The following DIO1 variants were observed in gnomAD, a reference collection of about 807,000 sequenced individuals.
DIO1 encodes the protein type I iodothyronine deiodinase.
In DIO1, 17 loss-of-function variants were observed where a neutral mutation model predicts 25.9. The ratio of observed to expected loss-of-function variants is 0.66; its 90% CI spans 0.45 to 0.98. DIO1 has a LOEUF of 0.98. Ranked by LOEUF, DIO1 falls within the 50% of genes least tolerant of loss-of-function variation. The probability of loss-of-function intolerance (pLI) is 0.00; values close to 1 mark genes in which losing one functional copy is unlikely to be tolerated. For synonymous variants in DIO1, 115 were observed against 114.0 expected (o/e 1.01, Z -0.05); for missense variants, 270 against 310.4 (o/e 0.87, Z 0.98).
rs537812506 is a variant in DIO1, at chr1:53,894,977, C to G, written c.337+430C>G. Among the ~76,000 whole-genome samples the G allele has an allele frequency of 6.6e-6, 1 of 152,264 alleles. No individual in the cohort carries two copies. The highest frequency in any genetic ancestry group is 2.1e-4 in the South Asian group (1 of 4,828). On this transcript the variant is annotated intron_variant, in intron 1 of 3. Coordinates refer to ENST00000361921, the MANE Select transcript of DIO1 (RefSeq NM_000792.7). The surrounding 1 kb of genome is among the most constrained non-coding windows in gnomAD (Gnocchi z 4.9). ...CATCCTAAACTTTTCTTTATTACACCTGTCGCGGTTTGTAATTATGTACGG... is the reference window on the plus strand; with the variant it reads ...CATCCTAAACTTTTCTTTATTACACGTGTCGCGGTTTGTAATTATGTACGG...
At chr1:53,909,823 A>T in intron 3 of DIO1, 108 bp from the exon 4 acceptor site, 2 of 1,045,046 alleles carry the variant, frequency 1.9e-6, no homozygotes, top group Non-Finnish European at 3.0e-6. Context: ...GATGGCTCCT[A>T]CACAGACATC....
rs1306099103 is a variant in DIO1 at position 53,909,934 on chromosome 1, A to G, written c.685A>G (p.Lys229Glu). The part of the protein sequence containing the change: ...IQEGRILYKG[K>E]SGPWNYNPEE... ...GCCTGATTCGTTTCTCTTGCAGGGT[A>G]AATCTGGCCCTTGGAACTACAACCC... The change falls in exon 4 of 4, where the codon AAA (lysine) becomes GAA (glutamate). Residue 229 changes from lysine (K) to glutamate (E), a missense_variant. Physicochemically the swap from Lys to Glu is moderately conservative, Grantham distance 56. Transcript: ENST00000361921. The G allele has an allele frequency of 5.0e-6, 8 of 1,614,180 alleles. No homozygotes were observed. The East Asian group carries it at 1.8e-4, about 36-fold the overall frequency.
rs1489032485 is a variant in DIO1 at position 53,906,154 on chromosome 1, C to T, written c.541C>T (p.Leu181=). The change falls in exon 3 of 4, where the codon CTG becomes TTG. Residue 181 remains leucine, a synonymous_variant. Coordinates refer to ENST00000361921, the MANE Select transcript of DIO1 (RefSeq NM_000792.7). ...AAATCACCAGAACCTTCAGGATCGCCTGCAGGCAGCCCATCTACTGCTGGC... is the reference window on the plus strand; with the variant it reads ...AAATCACCAGAACCTTCAGGATCGCTTGCAGGCAGCCCATCTACTGCTGGC... ...IRNHQNLQDR[L]QAAHLLLARS... 1 of 1,614,128 alleles carries T rather than the reference C, an allele frequency of 6.2e-7. No individual in the cohort carries two copies. The highest frequency in any genetic ancestry group is 8.5e-7 in the Non-Finnish European group (1 of 1,180,052).
At position 53,906,149 on chromosome 1, in the gene DIO1, A is replaced by G; in HGVS notation, c.536A>G (p.Asp179Gly). 1 of 1,614,220 alleles carries G rather than the reference A, an allele frequency of 6.2e-7. No homozygotes were observed. Among genetic ancestry groups the G allele is most frequent in the Non-Finnish European group, 8.5e-7 (1 of 1,180,026 alleles). Residue 179 changes from aspartate to glycine, a missense_variant, in exon 3 of 4, where the codon GAT (aspartate) becomes GGT (glycine). Coordinates refer to ENST00000361921, the MANE Select transcript of DIO1 (RefSeq NM_000792.7). ...MDIRNHQNLQ[D>G]RLQAAHLLLA... ...ATCAGAAATCACCAGAACCTTCAGG[A>G]TCGCCTGCAGGCAGCCCATCTACTG...
At chr1:53,906,696 GCC>G (rs1651674758) in intron 3 of DIO1, among the ~76,000 whole-genome samples, 1 of 150,306 alleles carries the variant, frequency 6.7e-6, no homozygotes, top group South Asian at 2.1e-4. Flanking sequence ...TCACTCTGTT[GCC>G]CAGGCTGGAG....
At position 53,904,659 on chromosome 1, in the gene DIO1, G is replaced by C; in HGVS notation, c.338-7G>C. ...GTCTCAGTTTGTGATGGTTGTTGCT[G>C]TTTCAGGTAATAGGCCACTGGTGCT... is the stretch of plus-strand genomic sequence containing the variant. On this transcript the variant is annotated splice_region_variant and splice_polypyrimidine_tract_variant and intron_variant, in intron 1 of 3. Transcript: ENST00000361921. 1 of 1,611,718 alleles carries C rather than the reference G, an allele frequency of 6.2e-7. No homozygotes were observed.
chr1:53,904,533 T>G (rs1277768106), intron 1 of DIO1, 133 bp from the exon 2 acceptor site: 1 of 1,045,588 alleles, frequency 9.6e-7, no homozygotes. Context: ...CGGACCCCAG[T>G]GCCTAGGACC....
rs762642402 is a variant in DIO1, at chr1:53,911,010, G to A, written c.*1011G>A. The A allele has an allele frequency of 2.0e-5, 3 of 152,628 alleles. No homozygotes were observed. The highest frequency in any genetic ancestry group is 1.9e-4 in the East Asian group (1 of 5,202). The allele number at this position is 152,628 out of a possible 1,614,324, so 9.5% of individuals were successfully genotyped here. On this transcript the variant is annotated 3_prime_UTR_variant, in exon 4 of 4. Coordinates refer to ENST00000361921, the MANE Select transcript of DIO1 (RefSeq NM_000792.7). ...GATGGCCACAGCCTAAAGTACACAC[G>A]GCTGTGACTTGATTCAAAAGAAAAT...
At chr1:53,907,182 C>A (rs540871421) in intron 3 of DIO1, among the ~76,000 whole-genome samples, 1 of 152,132 alleles carries the variant, frequency 6.6e-6, no homozygotes, top group East Asian at 1.9e-4. Context: ...CAGGGATGTG[C>A]GGCAGAAATG....
At chr1:53,909,579 G>A (rs1651845920) in intron 3 of DIO1, among the ~76,000 whole-genome samples, 2 of 152,192 alleles carry the variant, frequency 1.3e-5, no homozygotes, top group African/African-American at 4.8e-5. Flanking sequence ...ATGGTTCTGA[G>A]GTAGGATGGG....
intron 1 of DIO1, among the ~76,000 whole-genome samples, chr1:53,902,485 G>A (rs1325900323): frequency 6.6e-6 from 1 of 151,802 alleles, no homozygotes; most frequent in Non-Finnish European, 1.5e-5. Flanking sequence ...TAGGATGAGA[G>A]TATACTACAT....
Position 53,894,293 on chromosome 1 carries a change from T to A in DIO1, c.83T>A (p.Val28Glu). The A allele has an allele frequency of 6.2e-7, 1 of 1,614,218 alleles. No homozygotes were observed. Among genetic ancestry groups the A allele is most frequent in the Non-Finnish European group, 8.5e-7 (1 of 1,180,040 alleles). ...GCTGTGCATGTGGTCGTGGGTAAAG[T>A]GCTTCTGATATTGTTTCCAGACAGA... ...EVAVHVVVGK[V>E]LLILFPDRVK... The change falls in exon 1 of 4, where the codon GTG becomes GAG. Residue 28 changes from valine to glutamate, a missense_variant. Physicochemically the swap from Val to Glu is moderately radical, Grantham distance 121. Transcript: ENST00000361921. This position sits in a 1 kb window ranked among gnomAD's most constrained non-coding sequence, Gnocchi z 4.9.
chr1:53,903,754 C>A (rs769725625), intron 1 of DIO1, among the ~76,000 whole-genome samples: 1 of 151,908 alleles, frequency 6.6e-6, no homozygotes, highest in Non-Finnish European at 1.5e-5. Flanking sequence ...GAGGCTGAGG[C>A]AGGAGAATCG....
rs896438422 is a variant in DIO1, at chr1:53,903,919, G to A, written c.338-747G>A. 9.2e-5 allele frequency among the ~76,000 whole-genome samples: 14 copies of A among 152,004 alleles called. No individual in the cohort carries two copies. The East Asian group carries it at 2.5e-3, about 27-fold the overall frequency. ...CCCCACTTTTTGAACAAGGAACCCT[G>A]CATTTTCATTTGGCGGCAGGCCCAG... On this transcript the variant is annotated intron_variant, in intron 1 of 3. Transcript: ENST00000361921.
At chr1:53,906,372 C>G in intron 3 of DIO1, 78 bp downstream of exon 3, 1 of 1,285,198 alleles carries the variant, frequency 7.8e-7, no homozygotes, top group Non-Finnish European at 1.1e-6. Context: ...GGCTTTGCAT[C>G]AAGCAGAACT....
At chr1:53,899,352 A>G (rs1257302421) in intron 1 of DIO1, among the ~76,000 whole-genome samples, 1 of 152,174 alleles carries the variant, frequency 6.6e-6, no homozygotes, top group East Asian at 1.9e-4. Flanking sequence ...CTGTTTTCCC[A>G]TTTATACAAA....
Position 53,894,414 on chromosome 1 carries a change from C to G in DIO1, c.204C>G (p.Thr68=), listed in dbSNP as rs772920941. The G allele has an allele frequency of 1.5e-5, 25 of 1,614,080 alleles. No homozygotes were observed. The highest frequency in any genetic ancestry group is 1.9e-5 in the Non-Finnish European group (23 of 1,180,050). Residue 68 remains threonine (T), a synonymous_variant, in exon 1 of 4, where the codon ACC becomes ACG. Coordinates refer to ENST00000361921, the MANE Select transcript of DIO1 (RefSeq NM_000792.7). The surrounding 1 kb of genome is among the most constrained non-coding windows in gnomAD (Gnocchi z 4.9). ...ACTGGATACCAACCTTTTTCAGCACCCAGTATTTCTGGTTCGTCTTGAAGG... is the reference window on the plus strand; with the variant it reads ...ACTGGATACCAACCTTTTTCAGCACGCAGTATTTCTGGTTCGTCTTGAAGG... ...HDNWIPTFFS[T]QYFWFVLKVR... is the part of the protein sequence containing the mutation.
At chr1:53,897,000 G>A (rs891368640) in intron 1 of DIO1, among the ~76,000 whole-genome samples, 3 of 152,206 alleles carry the variant, frequency 2.0e-5, no homozygotes, top group African/African-American at 4.8e-5. Context: ...AAGAGCAATG[G>A]TAATAACTAA....
chr1:53,899,355 T>C (rs1226659203), intron 1 of DIO1, among the ~76,000 whole-genome samples: 1 of 152,240 alleles, frequency 6.6e-6, no homozygotes, highest in African/African-American at 2.4e-5. Context: ...TTTTCCCATT[T>C]ATACAAAGGA....
Sources: gnomAD v4.1 joint callset for allele counts (sites outside exome capture counted in the v4.1 genomes callset) on GRCh38, gnomAD v4.1.1 for gene constraint, Gnocchi (gnomAD v3.1) non-coding constraint, MANE v1.5 for transcripts, NCBI Gene and HGNC (gene_info 2026-07-23, HGNC 2026-07-21) for gene names.